DLC1: variants seen among roughly 807,000 people sequenced by gnomAD.
The protein encoded by DLC1 is rho GTPase-activating protein 7.
Under a neutral mutation model 140.3 loss-of-function variants are expected in DLC1, and 54 were observed. The ratio of observed to expected loss-of-function variants is 0.38; its 90% CI spans 0.31 to 0.48. The LOEUF (loss-of-function observed/expected upper bound fraction) is 0.48, where lower values mean the gene tolerates loss of function less well. DLC1 is among the 20% of genes least tolerant of loss of function. The pLI, the probability that DLC1 is intolerant of heterozygous loss-of-function variation, is 0.96. For missense variants in DLC1, 2,536 were observed against 1,907.0 expected, an observed-to-expected ratio of 1.33 and a Z score of -6.14; for synonymous variants, 986 against 728.1, an observed-to-expected ratio of 1.35 and a Z score of -5.70.
chr8:13,241,843 C>A (rs1039189844), intron 5 of DLC1, among the ~76,000 whole-genome samples: 4 of 152,092 alleles, frequency 2.6e-5, no homozygotes, highest in African/African-American at 9.7e-5. Flanking sequence ...ACCCCGGGGT[C>A]CTTTCATTTC....
chr8:13,275,315 TAAGAAC>T (rs1831115606), intron 5 of DLC1, among the ~76,000 whole-genome samples: 1 of 152,232 alleles, frequency 6.6e-6, no homozygotes, highest in Non-Finnish European at 1.5e-5. Context: ...GACCTTTTAT[TAAGAAC>T]ACAGCACAGA....
chr8:13,146,840 G>T (rs1388402976), intron 5 of DLC1, among the ~76,000 whole-genome samples: 1 of 152,224 alleles, frequency 6.6e-6, no homozygotes, highest in Non-Finnish European at 1.5e-5. Flanking sequence ...CTTCTGGTTA[G>T]TGTTGACTTG....
chr8:13,129,379 C>A (rs767389722), intron 5 of DLC1, among the ~76,000 whole-genome samples: 1 of 152,164 alleles, frequency 6.6e-6, no homozygotes, highest in African/African-American at 2.4e-5. Context: ...CTTTCTAGGA[C>A]ACACTGGATA....
chr8:13,360,450 C>T (rs191569947), intron 4 of DLC1, among the ~76,000 whole-genome samples: 5 of 152,190 alleles, frequency 3.3e-5, no homozygotes, highest in African/African-American at 4.8e-5. Context: ...TACCCATTTC[C>T]TCTACTAGTA....
chr8:13,272,539 C>A (rs1830978829), intron 5 of DLC1, among the ~76,000 whole-genome samples: 1 of 152,062 alleles, frequency 6.6e-6, no homozygotes, highest in Non-Finnish European at 1.5e-5. Flanking sequence ...AGTTAAATTA[C>A]AACAGTGTGC....
intron 5 of DLC1, among the ~76,000 whole-genome samples, chr8:13,185,007 G>T (rs1826270893): frequency 6.6e-6 from 1 of 152,000 alleles, no homozygotes; most frequent in Non-Finnish European, 1.5e-5. Flanking sequence ...ATATATTTAG[G>T]ATAGTTAGCT....
intron 2 of DLC1, among the ~76,000 whole-genome samples, chr8:13,448,648 C>T (rs530560469): frequency 3.6e-4 from 55 of 152,266 alleles, no homozygotes; most frequent in Admixed American, 6.5e-4. Flanking sequence ...CGTGAGCCAC[C>T]GCACCCAGCC....
intron 1 of DLC1, among the ~76,000 whole-genome samples, chr8:13,539,356 C>CA (rs1563428290): frequency 6.6e-6 from 1 of 152,122 alleles, no homozygotes; most frequent in African/African-American, 2.4e-5. Context: ...CACGCCACCA[C>CA]ACCCAGCTAA....
At chr8:13,531,832 G>T (rs532875143) in intron 1 of DLC1, among the ~76,000 whole-genome samples, 1 of 152,070 alleles carries the variant, frequency 6.6e-6, no homozygotes, top group Admixed American at 6.5e-5. Context: ...AAAACATTTT[G>T]CATACTTATT....
intron 4 of DLC1, among the ~76,000 whole-genome samples, chr8:13,313,130 A>T (rs1002929664): frequency 6.6e-6 from 1 of 152,102 alleles, no homozygotes; most frequent in African/African-American, 2.4e-5. Context: ...ATTTTTACTT[A>T]CAGCACTGTT....
At chr8:13,122,665 CAGACAGCAG>C (rs1465443574) in intron 5 of DLC1, among the ~76,000 whole-genome samples, 1 of 152,096 alleles carries the variant, frequency 6.6e-6, no homozygotes, top group Non-Finnish European at 1.5e-5. Flanking sequence ...AAGGTTAAGA[CAGACAGCAG>C]ACTTCATATA....
At chr8:13,103,372 TGTAA>T (rs1819271023) in intron 7 of DLC1, among the ~76,000 whole-genome samples, 2 of 151,904 alleles carry the variant, frequency 1.3e-5, no homozygotes, top group Admixed American at 6.6e-5. Flanking sequence ...CTTTATGTTT[TGTAA>T]GTTTTTCACT....
intron 5 of DLC1, among the ~76,000 whole-genome samples, chr8:13,198,175 G>T (rs983946137): frequency 3.3e-5 from 5 of 152,176 alleles, no homozygotes; most frequent in African/African-American, 1.2e-4. Context: ...TTAGAAGAAA[G>T]TGACGATCAC....
intron 5 of DLC1, among the ~76,000 whole-genome samples, chr8:13,221,724 G>GTATATATATATATATATATATATA (rs1311540477): frequency 7.5e-6 from 1 of 132,970 alleles, no homozygotes; most frequent in African/African-American, 2.9e-5. Flanking sequence ...GTGTGTGTGT[G>GTATATATATATATATATATATATA]TGTATATATA....
chr8:13,348,918 T>C (rs1315009646), intron 4 of DLC1, among the ~76,000 whole-genome samples: 2 of 152,150 alleles, frequency 1.3e-5, no homozygotes, highest in Non-Finnish European at 2.9e-5. Flanking sequence ...AGCATATTCT[T>C]TGAGCTGGAA....
intron 5 of DLC1, among the ~76,000 whole-genome samples, chr8:13,286,613 C>G (rs1203128457): frequency 6.7e-6 from 1 of 150,354 alleles, no homozygotes; most frequent in Non-Finnish European, 1.5e-5. Context: ...TGAAAAAATA[C>G]TTATTAAAGT....
intron 1 of DLC1, among the ~76,000 whole-genome samples, chr8:13,593,697 T>C (rs1247639161): frequency 6.6e-6 from 1 of 152,128 alleles, no homozygotes; most frequent in Non-Finnish European, 1.5e-5. Flanking sequence ...TGGGTTACTA[T>C]GAAAACAACC....
intron 2 of DLC1, among the ~76,000 whole-genome samples, chr8:13,461,517 G>C (rs1799656846): frequency 6.6e-6 from 1 of 152,172 alleles, no homozygotes; most frequent in African/African-American, 2.4e-5. Flanking sequence ...ACTTCCATCA[G>C]ACAAGATTTT....
intron 4 of DLC1, among the ~76,000 whole-genome samples, chr8:13,347,065 T>C (rs1834373083): frequency 6.6e-6 from 1 of 152,206 alleles, no homozygotes; most frequent in African/African-American, 2.4e-5. Flanking sequence ...AAACTAAACT[T>C]TATCATATGA....
Sources: gnomAD v4.1 joint callset for allele counts (sites outside exome capture counted in the v4.1 genomes callset) on GRCh38, gnomAD v4.1.1 for gene constraint, MANE v1.5 for transcripts, NCBI Gene and HGNC (gene_info 2026-07-23, HGNC 2026-07-21) for gene names.